The following USP32 variants were observed in gnomAD, a reference collection of about 807,000 sequenced individuals.
USP32 encodes ubiquitin specific peptidase 32.
USP32 carries 59 observed loss-of-function variants against 204.8 expected under a neutral mutation model. The ratio of observed to expected loss-of-function variants is 0.29; its 90% CI spans 0.23 to 0.36. The LOEUF (loss-of-function observed/expected upper bound fraction) is 0.36. Among genes scored for constraint, USP32 ranks in the 10% least tolerant of loss-of-function variants. The pLI, the probability that USP32 is intolerant of heterozygous loss-of-function variation, is 1.00. For missense variants in USP32, 1,160 were observed against 1,946.4 expected (o/e 0.60, Z 7.60); for synonymous variants, 517 against 678.4 (o/e 0.76, Z 3.70).
chr17:60,221,831 T>C (rs1184785873), intron 15 of USP32, among the ~76,000 whole-genome samples: 2 of 152,152 alleles, frequency 1.3e-5, no homozygotes, highest in Non-Finnish European at 2.9e-5. Flanking sequence ...CAAAACATCT[T>C]GTTATATTTT....
Position 60,294,202 on chromosome 17 carries a change from G to A in USP32, c.411+481C>T, listed in dbSNP as rs182071714. 2.0e-5 allele frequency among the ~76,000 whole-genome samples: 3 copies of A among 152,174 alleles called. No individual in the cohort carries two copies. In the East Asian group the frequency reaches 5.8e-4, roughly 29 times the overall value. ...ATTACAGGTGTGAGCCACCTTGCCT[G>A]GCCCAAAGATGACAATTTTTTAACA... On this transcript the variant is annotated intron_variant, in intron 4 of 33. Transcript: ENST00000300896.
intron 1 of USP32, among the ~76,000 whole-genome samples, chr17:60,418,396 G>GTTTT (rs569143215): frequency 6.0e-4 from 71 of 118,418 alleles, no homozygotes; most frequent in African/African-American, 1.9e-3. Flanking sequence ...CCTGGCCTCT[G>GTTTT]TTTTTTTTTT....
upstream of USP32, chr17:60,392,645 T>TA: frequency 2.2e-6 from 1 of 450,056 alleles, no homozygotes; most frequent in South Asian, 1.6e-5. Context: ...AAGGAGTGGG[T>TA]AGGCAGGGAG....
At chr17:60,271,222 C>T in intron 6 of USP32, 128 bp downstream of exon 6, 3 of 1,201,838 alleles carry the variant, frequency 2.5e-6, no homozygotes, top group Non-Finnish European at 3.4e-6. Flanking sequence ...TTGTTTTTCC[C>T]CACTCCATTA....
intron 2 of USP32, among the ~76,000 whole-genome samples, chr17:60,305,941 T>C (rs904491030): frequency 1.3e-5 from 2 of 152,196 alleles, no homozygotes; most frequent in African/African-American, 4.8e-5. Context: ...TCCAGTTCAT[T>C]TGACAAATGA....
At chr17:60,183,978 C>A (rs1340490878) in intron 30 of USP32, among the ~76,000 whole-genome samples, 2 of 152,076 alleles carry the variant, frequency 1.3e-5, no homozygotes, top group African/African-American at 2.4e-5. Flanking sequence ...AATTATACCT[C>A]AATTTTTTTT....
At chr17:60,275,767 AGTGGT>A (rs1187943783) in intron 5 of USP32, among the ~76,000 whole-genome samples, 1 of 152,042 alleles carries the variant, frequency 6.6e-6, no homozygotes, top group Non-Finnish European at 1.5e-5. Context: ...ACTGGAGTGC[AGTGGT>A]GTGATCTTAG....
intron 1 of USP32, among the ~76,000 whole-genome samples, chr17:60,365,345 G>T (rs2089291603): frequency 6.6e-6 from 1 of 152,064 alleles, no homozygotes; most frequent in South Asian, 2.1e-4. Context: ...GCCAGGCATG[G>T]TGGCACGTGC....
At chr17:60,275,508 T>C (rs1405489611) in intron 5 of USP32, among the ~76,000 whole-genome samples, 2 of 151,982 alleles carry the variant, frequency 1.3e-5, no homozygotes, top group Non-Finnish European at 2.9e-5. Flanking sequence ...TATACATACA[T>C]ACACACACAT....
chr17:60,366,140 G>T (rs1307523421), intron 1 of USP32, among the ~76,000 whole-genome samples: 1 of 151,538 alleles, frequency 6.6e-6, no homozygotes, highest in Non-Finnish European at 1.5e-5. Flanking sequence ...ACCACGCCGG[G>T]CTAAGTTTTT....
upstream of USP32, among the ~76,000 whole-genome samples, chr17:60,393,949 G>A (rs1159449523): frequency 1.3e-5 from 2 of 152,196 alleles, no homozygotes; most frequent in Admixed American, 6.6e-5. Flanking sequence ...CTCCCAGAGT[G>A]CTGGGATTAC....
chr17:60,224,045 T>C (rs1346353025), intron 13 of USP32, among the ~76,000 whole-genome samples: 15 of 152,248 alleles, frequency 9.9e-5, no homozygotes, highest in Admixed American at 9.8e-4. Context: ...CTAGATCCTA[T>C]TGTATCTATG....
At chr17:60,422,348 A>T in exon 1 of USP32, 1 of 980,518 alleles carries the variant, frequency 1.0e-6, no homozygotes, top group Non-Finnish European at 1.4e-6. Flanking sequence ...TCGACCCCGC[A>T]CATCTTGCTC....
Position 60,363,182 on chromosome 17 carries a change from C to T in USP32, c.59-17574G>A, listed in dbSNP as rs140593236. On this transcript the variant is annotated intron_variant, in intron 1 of 33. Coordinates refer to ENST00000300896, the MANE Select transcript of USP32 (RefSeq NM_032582.4). Reference sequence around the variant, plus strand: ...AAAAAAAATTTTTTGAGGCCAGGCGCGGTGGCTCACACCTGTAATCCCAGC... The same window carrying T: ...AAAAAAAATTTTTTGAGGCCAGGCGTGGTGGCTCACACCTGTAATCCCAGC... Among the ~76,000 whole-genome samples the T allele has an allele frequency of 9.5e-3, 1,437 of 151,672 alleles. 31 individuals carry two copies. The highest frequency in any genetic ancestry group is 0.033 in the African/African-American group (1,378 of 41,390).
chr17:60,188,267 T>A (rs1173149151), intron 29 of USP32, among the ~76,000 whole-genome samples: 10 of 152,194 alleles, frequency 6.6e-5, no homozygotes, highest in Non-Finnish European at 1.3e-4. Context: ...TAAGAGTGAT[T>A]GCCTCTGTTT....
At chr17:60,317,973 A>C (rs138524497) in intron 2 of USP32, among the ~76,000 whole-genome samples, 4,137 of 152,348 alleles carry the variant, frequency 0.027, 199 homozygotes, top group African/African-American at 0.094. Flanking sequence ...CGACAGAGCC[A>C]GACTCCGTCT....
chr17:60,244,020 CTGG>C (rs2085945114), intron 11 of USP32, among the ~76,000 whole-genome samples: 1 of 141,960 alleles, frequency 7.0e-6, no homozygotes. Flanking sequence ...TCTCAAGTAG[CTGG>C]ATTGTGTTTT....
intron 3 of USP32, among the ~76,000 whole-genome samples, chr17:60,300,081 A>AC (rs1328699467): frequency 5.3e-5 from 8 of 152,208 alleles, no homozygotes; most frequent in Non-Finnish European, 1.2e-4. Context: ...AAATATTCAG[A>AC]CCATAGTAGG....
intron 5 of USP32, among the ~76,000 whole-genome samples, chr17:60,284,691 T>TTTCTCTAATAATACAGTGTTTTCAA (rs1374055417): frequency 1.3e-5 from 2 of 152,170 alleles, no homozygotes; most frequent in Non-Finnish European, 2.9e-5. Flanking sequence ...AAACAGTAAA[T>TTTCTCTAATAATACAGTGTTTTCAA]AAGCAGCTTC....
Sources: allele counts gnomAD v4.1 joint callset (sites outside exome capture counted in the v4.1 genomes callset), GRCh38; gene constraint gnomAD v4.1.1; transcripts MANE v1.5; gene names NCBI Gene and HGNC (gene_info 2026-07-23, HGNC 2026-07-21).